SLC35D4: variants seen among roughly 807,000 people sequenced by gnomAD.
SLC35D4 encodes UDP-N-acetylglucosamine transporter SLC35D4.
chr18:23,431,096 G>A, the SLC35D4 span, among the ~76,000 whole-genome samples: 6 of 127,070 alleles, frequency 4.7e-5, no homozygotes, highest in Non-Finnish European at 7.8e-5. Context: ...AGAGGTTGCA[G>A]TGAGCAGAAA....
the SLC35D4 span, among the ~76,000 whole-genome samples, chr18:23,393,778 C>T: frequency 1.3e-5 from 2 of 152,102 alleles, no homozygotes; most frequent in South Asian, 4.1e-4. Context: ...CCATCATGCC[C>T]AGATAATTTT....
the SLC35D4 span, among the ~76,000 whole-genome samples, chr18:23,285,743 C>T: frequency 6.6e-6 from 1 of 152,146 alleles, no homozygotes; most frequent in African/African-American, 2.4e-5. Context: ...TCCTCAGCCT[C>T]CGCTTCTCCA....
At chr18:23,334,709 A>G in the SLC35D4 span, among the ~76,000 whole-genome samples, 9 of 152,138 alleles carry the variant, frequency 5.9e-5, no homozygotes, top group African/African-American at 1.9e-4. Flanking sequence ...GAAGAAGGGG[A>G]AAAGGGGCCG....
the SLC35D4 span, among the ~76,000 whole-genome samples, chr18:23,313,126 C>CAA: frequency 0.011 from 335 of 29,478 alleles, 55 homozygotes; most frequent in Admixed American, 0.064. Context: ...GACTACATCT[C>CAA]AAAAAAAAAA....
chr18:23,356,596 G>T, the SLC35D4 span: 3 of 1,614,106 alleles, frequency 1.9e-6, no homozygotes, highest in South Asian at 1.1e-5. The surrounding 1 kb of genome is among the most constrained non-coding windows in gnomAD (Gnocchi z 4.1). Flanking sequence ...ACGATTACCT[G>T]GCACAGCAGC....
chr18:23,352,214 G>A, the SLC35D4 span: 1 of 1,612,068 alleles, frequency 6.2e-7, no homozygotes, highest in Non-Finnish European at 8.5e-7. Flanking sequence ...AGAAAATCCA[G>A]GCTGCACACT....
chr18:23,420,026 G>A, the SLC35D4 span, among the ~76,000 whole-genome samples: 9 of 152,012 alleles, frequency 5.9e-5, no homozygotes, highest in African/African-American at 1.4e-4. Context: ...GGGAATCGCC[G>A]GGCACAGTGG....
At chr18:23,400,773 G>A in the SLC35D4 span, among the ~76,000 whole-genome samples, 1 of 152,134 alleles carries the variant, frequency 6.6e-6, no homozygotes, top group Non-Finnish European at 1.5e-5. Context: ...CTGGAATGAT[G>A]CCTGCTCAAG....
chr18:23,407,471 T>C, the SLC35D4 span, among the ~76,000 whole-genome samples: 1 of 152,050 alleles, frequency 6.6e-6, no homozygotes, highest in South Asian at 2.1e-4. Flanking sequence ...TGGATTTTAG[T>C]ATCCTTAATG....
the SLC35D4 span, among the ~76,000 whole-genome samples, chr18:23,267,478 T>G: frequency 6.6e-6 from 1 of 151,954 alleles, no homozygotes; most frequent in Non-Finnish European, 1.5e-5. Flanking sequence ...GCCCACTTCC[T>G]GCCCCCAATC....
chr18:23,273,655 A>C, the SLC35D4 span, among the ~76,000 whole-genome samples: 1 of 152,178 alleles, frequency 6.6e-6, no homozygotes, highest in Admixed American at 6.5e-5. Flanking sequence ...GGGTGACTGC[A>C]TATTCCACAC....
At chr18:23,289,793 T>C in the SLC35D4 span, among the ~76,000 whole-genome samples, 1 of 152,124 alleles carries the variant, frequency 6.6e-6, no homozygotes, top group Non-Finnish European at 1.5e-5. Flanking sequence ...TGACATTATC[T>C]TGTGAAATTC....
the SLC35D4 span, among the ~76,000 whole-genome samples, chr18:23,383,126 T>A: frequency 2.0e-5 from 3 of 151,818 alleles, no homozygotes; most frequent in Admixed American, 2.0e-4. Flanking sequence ...GGGAGAACCA[T>A]AGGACAGCAA....
chr18:23,379,932 CTAAAAAT>C, the SLC35D4 span, among the ~76,000 whole-genome samples: 4 of 151,998 alleles, frequency 2.6e-5, no homozygotes, highest in Non-Finnish European at 5.9e-5. Flanking sequence ...CCCGTCTCTA[CTAAAAAT>C]ATCAAAAATT....
the SLC35D4 span, chr18:23,352,296 G>A: frequency 1.9e-6 from 3 of 1,602,366 alleles, no homozygotes; most frequent in Middle Eastern, 1.7e-4. Flanking sequence ...TCCACTGGAA[G>A]GAGAAAAGAT....
At chr18:23,334,923 T>C in the SLC35D4 span, among the ~76,000 whole-genome samples, 1 of 151,952 alleles carries the variant, frequency 6.6e-6, no homozygotes, top group African/African-American at 2.4e-5. Flanking sequence ...GGAGAATTGC[T>C]TGAACTGGGA....
the SLC35D4 span, among the ~76,000 whole-genome samples, chr18:23,316,810 G>A: frequency 6.6e-6 from 1 of 152,110 alleles, no homozygotes; most frequent in African/African-American, 2.4e-5. Flanking sequence ...GTTCATGAAA[G>A]ATAAGGGAAG....
the SLC35D4 span, among the ~76,000 whole-genome samples, chr18:23,330,375 C>G: frequency 1.3e-5 from 2 of 151,896 alleles, no homozygotes; most frequent in Non-Finnish European, 1.5e-5. Flanking sequence ...CTATAATTAG[C>G]CTTTTGAACT....
At chr18:23,310,867 T>C in the SLC35D4 span, among the ~76,000 whole-genome samples, 1 of 152,196 alleles carries the variant, frequency 6.6e-6, no homozygotes, top group South Asian at 2.1e-4. Context: ...TTGGTATCAC[T>C]TTCTGCCTCG....
Sources: allele counts gnomAD v4.1 joint callset (sites outside exome capture counted in the v4.1 genomes callset), GRCh38; gene constraint gnomAD v4.1.1; non-coding constraint Gnocchi (gnomAD v3.1); transcripts MANE v1.5; gene names NCBI Gene and HGNC (gene_info 2026-07-23, HGNC 2026-07-21).